PREPL: variants seen among roughly 807,000 people sequenced by gnomAD.
PREPL encodes the protein prolyl endopeptidase-like.
PREPL carries 77 observed loss-of-function variants against 70.6 expected under a neutral mutation model. That is an observed-to-expected ratio of 1.09 (90% CI 0.91 to 1.32). PREPL has a LOEUF of 1.32. PREPL is among the 40% of genes most tolerant of loss of function. The pLI, the probability that PREPL is intolerant of heterozygous loss-of-function variation, is 0.00. For synonymous variants in PREPL, 315 were observed against 264.8 expected, an observed-to-expected ratio of 1.19 and a Z score of -1.84; for missense variants, 1,002 against 778.2, an observed-to-expected ratio of 1.29 and a Z score of -3.42.
intron 1 of PREPL, chr2:44,359,880 G>C: frequency 1.7e-6 from 1 of 578,020 alleles, no homozygotes; most frequent in Non-Finnish European, 3.1e-6. Context: ...ACTTCAGACA[G>C]CTGATAACTT....
At chr2:44,330,160 T>C (rs1188152435) in intron 8 of PREPL, among the ~76,000 whole-genome samples, 1 of 152,216 alleles carries the variant, frequency 6.6e-6, no homozygotes, top group African/African-American at 2.4e-5. Context: ...TAAAACACTC[T>C]TGGTCTTTTC....
chr2:44,334,686 T>C (rs986524395), intron 7 of PREPL, among the ~76,000 whole-genome samples: 1 of 152,118 alleles, frequency 6.6e-6, no homozygotes. Context: ...GCTCGGACTA[T>C]AGGCACCTGC....
intron 3 of PREPL, 38 bp downstream of exon 3, chr2:44,344,482 G>C: frequency 7.3e-7 from 1 of 1,368,762 alleles, no homozygotes; most frequent in Non-Finnish European, 1.0e-6. Context: ...TATGAAATCT[G>C]AAAATTAGAG....
At chr2:44,352,973 G>C (rs1296294548) in intron 1 of PREPL, among the ~76,000 whole-genome samples, 1 of 152,204 alleles carries the variant, frequency 6.6e-6, no homozygotes, top group East Asian at 1.9e-4. Context: ...CTGGCCATGA[G>C]TGGCAGCTCA....
chr2:44,358,955 T>C (rs1036592404), intron 1 of PREPL, among the ~76,000 whole-genome samples: 2 of 152,166 alleles, frequency 1.3e-5, no homozygotes, highest in Non-Finnish European at 2.9e-5. Flanking sequence ...GAAGGCCGAA[T>C]TATACTTTGA....
intron 7 of PREPL, among the ~76,000 whole-genome samples, chr2:44,333,509 A>G (rs565601865): frequency 1.3e-5 from 2 of 152,170 alleles, no homozygotes; most frequent in Admixed American, 1.3e-4. Flanking sequence ...GCACAGAAAC[A>G]TCACTGGTGG....
intron 8 of PREPL, among the ~76,000 whole-genome samples, chr2:44,330,117 A>G (rs1230297505): frequency 6.6e-6 from 1 of 152,206 alleles, no homozygotes; most frequent in African/African-American, 2.4e-5. Flanking sequence ...AGTAAGATTC[A>G]CTTTTATAAA....
chr2:44,332,181 C>T (rs1228975422), intron 8 of PREPL, among the ~76,000 whole-genome samples: 1 of 151,970 alleles, frequency 6.6e-6, no homozygotes, highest in Admixed American at 6.6e-5. Flanking sequence ...CTCCTGACCT[C>T]GTGATCCACC....
At position 44,320,181 on chromosome 2, in the gene PREPL, ACT is replaced by A; in HGVS notation, c.*1173_*1174del. 1 of 1,592,296 alleles carries A rather than the reference ACT, an allele frequency of 6.3e-7. No individual in the cohort carries two copies. Among genetic ancestry groups the A allele is most frequent in the African/African-American group, 1.3e-5 (1 of 74,530 alleles). ...CTTAGAATCAAACACTTACGTAAAT[ACT>A]TTTTTAAAAAAATAGGTCCAAAAGA... On this transcript the variant is annotated 3_prime_UTR_variant, in exon 14 of 14. Transcript: ENST00000409411.
At chr2:44,355,311 G>A (rs185980735) in intron 1 of PREPL, among the ~76,000 whole-genome samples, 1 of 152,288 alleles carries the variant, frequency 6.6e-6, no homozygotes, top group East Asian at 1.9e-4. Flanking sequence ...ACTTTGAGAG[G>A]GCAAGGCAGG....
intron 1 of PREPL, among the ~76,000 whole-genome samples, chr2:44,355,319 AG>A (rs1403172062): frequency 4.6e-5 from 7 of 152,204 alleles, no homozygotes; most frequent in Non-Finnish European, 7.3e-5. Context: ...AGGGCAAGGC[AG>A]GTGGATTGCT....
rs745462411 is a variant in PREPL, at chr2:44,344,565, A to C, written c.97T>G (p.Tyr33Asp). The change falls in exon 3 of 14, where the codon TAT becomes GAT. Residue 33 changes from tyrosine to aspartate, a missense_variant. Physicochemically the swap from Tyr to Asp is radical, Grantham distance 160 (BLOSUM62 -3). Transcript: ENST00000409411. Reference sequence around the variant, plus strand: ...ACCAAGCAACAACCTTCTTGGTAATAAACAAAACCACCATGTTTAACCTGA... The same window carrying C: ...ACCAAGCAACAACCTTCTTGGTAATCAACAAAACCACCATGTTTAACCTGA... ...NVEVKHGGFV[Y>D]YQEGCCLVRS... is the part of the protein sequence containing the mutation. 69 of 1,605,078 alleles carry C rather than the reference A, an allele frequency of 4.3e-5. No homozygotes were observed. Among genetic ancestry groups the C allele is most frequent in the Non-Finnish European group, 1.1e-5 (13 of 1,176,080 alleles).
intron 1 of PREPL, 79 bp from the exon 2 acceptor site, chr2:44,346,469 A>G: frequency 7.6e-7 from 1 of 1,312,582 alleles, no homozygotes; most frequent in African/African-American, 1.5e-5. Flanking sequence ...AAGTAGGTCT[A>G]TACCGTAGAC....
chr2:44,324,253 A>C (rs1175939836), intron 10 of PREPL, among the ~76,000 whole-genome samples: 1 of 152,226 alleles, frequency 6.6e-6, no homozygotes, highest in Non-Finnish European at 1.5e-5. Context: ...CTGTGGGAAG[A>C]AGCAAATGGA....
At chr2:44,322,260 A>G (rs1023993831) in intron 12 of PREPL, among the ~76,000 whole-genome samples, 2 of 152,154 alleles carry the variant, frequency 1.3e-5, no homozygotes, top group Non-Finnish European at 2.9e-5. Flanking sequence ...GGAGACTGAT[A>G]TGGCATGTAG....
chr2:44,357,710 C>T (rs1445111038), intron 1 of PREPL, among the ~76,000 whole-genome samples: 1 of 152,150 alleles, frequency 6.6e-6, no homozygotes, highest in Non-Finnish European at 1.5e-5. Flanking sequence ...TAATTCCTGT[C>T]TACTATTTAT....
rs534189327 is a variant in PREPL at position 44,339,609 on chromosome 2, C to A, written c.486-246G>T. Among the ~76,000 whole-genome samples, 6 of 152,248 alleles carry A rather than the reference C, an allele frequency of 3.9e-5. 1 individual carries two copies. The South Asian group carries it at 8.3e-4, about 21-fold the overall frequency. On this transcript the variant is annotated intron_variant, in intron 5 of 13. Transcript: ENST00000409411. ...TTATCATAAATGTTTTTCAAAAATA[C>A]AGAAAAGTTGAAAAAACCATCTTGA...
In PREPL at chr2:44,339,150, A is replaced by C. The variant is rs780410852; in HGVS notation, c.699T>G (p.Phe233Leu). The stretch of plus-strand genomic sequence containing the variant: ...AACAACGAGCATCCAGGATTACCTT[A>C]AATTCTGTAGGTTCTCCAACATTAG... Reference protein sequence around the residue: ...ILTNVGEPTEFKLMRTAADTP... With the variant: ...ILTNVGEPTELKLMRTAADTP... The change falls in exon 6 of 14, where the codon TTT becomes TTG. Residue 233 changes from phenylalanine (F) to leucine (L), a missense_variant. Phe to Leu is a conservative substitution (Grantham distance 22). Transcript: ENST00000409411. 2.2e-5 allele frequency: 36 copies of C among 1,613,762 alleles called. No individual in the cohort carries two copies. Among genetic ancestry groups the C allele is most frequent in the Non-Finnish European group, 2.9e-5 (34 of 1,179,854 alleles).
In PREPL at chr2:44,317,883, A is replaced by T; in HGVS notation, c.*3473T>A. On this transcript the variant is annotated 3_prime_UTR_variant, in exon 14 of 14. Transcript: ENST00000409411. ...TTAAATTAGCCTATTAAAAGATAAA[A>T]CCACTCAGATAACAAAAACAGACAT... is the stretch of plus-strand genomic sequence containing the variant. 1 of 219,498 alleles carries T rather than the reference A, an allele frequency of 4.6e-6. No homozygotes were observed. Among genetic ancestry groups the T allele is most frequent in the South Asian group, 4.8e-5 (1 of 20,632 alleles). The allele number at this position is 219,498 out of a possible 1,614,324, so 13.6% of individuals were successfully genotyped here. A position where few individuals can be genotyped will look rare whatever the true frequency, so the allele number is the denominator to read the frequency against.
Sources: allele counts gnomAD v4.1 joint callset (sites outside exome capture counted in the v4.1 genomes callset), GRCh38; gene constraint gnomAD v4.1.1; transcripts MANE v1.5; gene names NCBI Gene and HGNC (gene_info 2026-07-23, HGNC 2026-07-21).